The following DNAAF5 variants were observed in gnomAD, a reference collection of about 807,000 sequenced individuals.
DNAAF5 encodes HEAT repeat containing 2.
DNAAF5 carries 64 observed loss-of-function variants against 75.8 expected under a neutral mutation model. The ratio of observed to expected loss-of-function variants is 0.84; its 90% CI spans 0.69 to 1.04. The LOEUF (loss-of-function observed/expected upper bound fraction) is 1.04. DNAAF5 is among the 50% of genes least tolerant of loss of function. The pLI, the probability that DNAAF5 is intolerant of heterozygous loss-of-function variation, is 0.00. For missense variants in DNAAF5, 1,269 were observed against 1,178.5 expected, an observed-to-expected ratio of 1.08 and a Z score of -1.12; for synonymous variants, 657 against 557.2, an observed-to-expected ratio of 1.18 and a Z score of -2.52.
intron 4 of DNAAF5, among the ~76,000 whole-genome samples, chr7:745,628 T>A (rs900823033): frequency 1.3e-5 from 2 of 152,172 alleles, no homozygotes; most frequent in African/African-American, 2.4e-5. Context: ...CACACACGTG[T>A]ACATGTATAT....
At chr7:768,936 C>T (rs1778454267) in intron 8 of DNAAF5, 8 of 565,686 alleles carry the variant, frequency 1.4e-5, no homozygotes, top group Admixed American at 8.9e-5. Context: ...CGGCACTTGG[C>T]CCAAGACTCG....
At chr7:765,867 G>C (rs1380758523) in intron 8 of DNAAF5, among the ~76,000 whole-genome samples, 1 of 152,086 alleles carries the variant, frequency 6.6e-6, no homozygotes, top group Non-Finnish European at 1.5e-5. Context: ...GGCTACTTCT[G>C]TATGTTTTTC....
Position 763,819 on chromosome 7 carries a change from T to C in DNAAF5, c.1628T>C (p.Met543Thr). The C allele has an allele frequency of 6.2e-7, 1 of 1,613,422 alleles. No homozygotes were observed. Among genetic ancestry groups the C allele is most frequent in the South Asian group, 1.1e-5 (1 of 91,084 alleles). Residue 543 changes from methionine to threonine, a missense_variant, in exon 8 of 13, where the codon ATG (methionine) becomes ACG (threonine). Met to Thr is a moderately conservative substitution (Grantham distance 81). Transcript: ENST00000297440. ...TGLRDKAQETMDSLAMVEGVS... is the reference protein window; with the variant it reads ...TGLRDKAQETTDSLAMVEGVS... The stretch of plus-strand genomic sequence containing the variant: ...TGTAACCTCCAGGCACAGGAGACGA[T>C]GGACTCACTGGCCATGGTGGAGGGT...
intron 2 of DNAAF5, among the ~76,000 whole-genome samples, chr7:736,377 T>G (rs768677623): frequency 4.6e-5 from 7 of 152,246 alleles, no homozygotes; most frequent in Non-Finnish European, 7.3e-5. Flanking sequence ...GGTTTATATA[T>G]CTGGATACTC....
chr7:785,085 G>A (rs117783693), intron 12 of DNAAF5, among the ~76,000 whole-genome samples: 1 of 152,194 alleles, frequency 6.6e-6, no homozygotes, highest in African/African-American at 2.4e-5. Flanking sequence ...GCACCCATCC[G>A]CTGCATCAGG....
intron 12 of DNAAF5, among the ~76,000 whole-genome samples, chr7:780,743 C>A (rs1040731375): frequency 1.3e-5 from 2 of 152,202 alleles, no homozygotes; most frequent in Non-Finnish European, 2.9e-5. Context: ...TGAGGCCACA[C>A]ACCACAGAGC....
intron 2 of DNAAF5, among the ~76,000 whole-genome samples, chr7:735,753 C>G (rs1023363765): frequency 1.4e-4 from 21 of 151,892 alleles, no homozygotes; most frequent in African/African-American, 4.3e-4. Context: ...TTTTGTTGGT[C>G]TTTTGTATTT....
intron 8 of DNAAF5, among the ~76,000 whole-genome samples, chr7:769,472 C>T (rs1257382136): frequency 1.3e-5 from 2 of 152,028 alleles, no homozygotes; most frequent in African/African-American, 2.4e-5. Context: ...GCCCAAGCCT[C>T]GCGCCCACCG....
intron 10 of DNAAF5, 55 bp downstream of exon 10, chr7:774,253 C>T (rs1442727515): frequency 2.0e-6 from 3 of 1,516,714 alleles, no homozygotes; most frequent in Non-Finnish European, 2.6e-6. Context: ...CGCAGGCTTC[C>T]TGGCGCCCGG....
At chr7:762,001 C>CCCCAGGCCTCAAACATGTCTGAA in intron 7 of DNAAF5, 105 bp downstream of exon 7, 2 of 59,312 alleles carry the variant, frequency 3.4e-5, no homozygotes, top group Non-Finnish European at 5.1e-5. Flanking sequence ...CTGTGCTTGA[C>CCCCAGGCCTCAAACATGTCTGAA]CAGCAAAGAC....
chr7:745,474 C>A (rs1782060590), intron 4 of DNAAF5, among the ~76,000 whole-genome samples: 1 of 152,188 alleles, frequency 6.6e-6, no homozygotes, highest in South Asian at 2.1e-4. Flanking sequence ...ACACACACAC[C>A]TGTGCACACA....
chr7:752,833 T>C (rs1349606917), intron 4 of DNAAF5, among the ~76,000 whole-genome samples: 1 of 152,246 alleles, frequency 6.6e-6, no homozygotes, highest in East Asian at 1.9e-4. Flanking sequence ...AGGATTTATC[T>C]CCAGAGTATA....
chr7:727,122 G>C lies in DNAAF5; in HGVS notation c.402G>C (p.Pro134=), dbSNP rs1781345186. 1.7e-6 allele frequency: 2 copies of C among 1,143,622 alleles called. No homozygotes were observed. Among genetic ancestry groups the C allele is most frequent in the East Asian group, 9.1e-5 (2 of 22,070 alleles). The allele number at this position is 1,143,622 out of a possible 1,614,324, so 70.8% of individuals were successfully genotyped here. Residue 134 remains proline (P), a synonymous_variant, in exon 1 of 13, where the codon CCG becomes CCC. Transcript: ENST00000297440. ...CCGGCCCCGTGCCCGCGCGCCGCCC[G>C]CCCGAGGCCTGTGAGGAGCTGCGCC... ...RLAGPVPARR[P]PEACEELRLA... is the part of the protein sequence containing the mutation.
intron 2 of DNAAF5, among the ~76,000 whole-genome samples, chr7:738,078 T>C (rs771416385): frequency 5.3e-5 from 8 of 152,256 alleles, no homozygotes; most frequent in Non-Finnish European, 8.8e-5. Context: ...ATTTTCCAGA[T>C]GCTGTACATG....
chr7:730,049 T>C (rs1216948927), intron 2 of DNAAF5, among the ~76,000 whole-genome samples: 2 of 152,230 alleles, frequency 1.3e-5, no homozygotes, highest in East Asian at 1.9e-4. Context: ...TTTGATGTTA[T>C]GAATTCCAAG....
At chr7:764,437 G>A (rs933896015) in intron 8 of DNAAF5, among the ~76,000 whole-genome samples, 20 of 152,310 alleles carry the variant, frequency 1.3e-4, no homozygotes, top group African/African-American at 2.2e-4. Context: ...GGGCTTCAGC[G>A]CGGGGCAAGA....
chr7:759,628 G>C (rs961488644), intron 6 of DNAAF5, among the ~76,000 whole-genome samples: 24 of 151,586 alleles, frequency 1.6e-4, no homozygotes, highest in African/African-American at 5.8e-4. Flanking sequence ...TTTCTTTTTC[G>C]TTCTGTGTGT....
chr7:743,102 C>T (rs373305629), intron 4 of DNAAF5, among the ~76,000 whole-genome samples: 6 of 152,208 alleles, frequency 3.9e-5, no homozygotes, highest in East Asian at 3.9e-4. Flanking sequence ...CAGTAGCTCA[C>T]GCCTGTATCC....
At chr7:744,618 C>T (rs910064501) in intron 4 of DNAAF5, among the ~76,000 whole-genome samples, 2 of 152,138 alleles carry the variant, frequency 1.3e-5, no homozygotes, top group Non-Finnish European at 2.9e-5. Flanking sequence ...CATCTCACAC[C>T]AGTTAGAATG....
Sources: gnomAD v4.1 joint callset for allele counts (sites outside exome capture counted in the v4.1 genomes callset) on GRCh38, gnomAD v4.1.1 for gene constraint, MANE v1.5 for transcripts, NCBI Gene and HGNC (gene_info 2026-07-23, HGNC 2026-07-21) for gene names.